The following DSCAM variants were observed in gnomAD, a reference collection of about 807,000 sequenced individuals.
The protein encoded by DSCAM is DS cell adhesion molecule.
Under a neutral mutation model 217.7 loss-of-function variants are expected in DSCAM, and 47 were observed. The observed-to-expected ratio is 0.22, with a 90% CI of 0.17 to 0.28. The LOEUF (loss-of-function observed/expected upper bound fraction) is 0.28, where lower values mean the gene tolerates loss of function less well. Among genes scored for constraint, DSCAM ranks in the 10% least tolerant of loss-of-function variants. DSCAM has a pLI of 1.00. For synonymous variants in DSCAM, 1,056 were observed against 1,015.3 expected (o/e 1.04, Z -0.76); for missense variants, 2,080 against 2,618.3 (o/e 0.79, Z 4.49).
chr21:40,800,116 C>T (rs2091726546), intron 1 of DSCAM, among the ~76,000 whole-genome samples: 1 of 152,216 alleles, frequency 6.6e-6, no homozygotes, highest in South Asian at 2.1e-4. Context: ...CCATATGATT[C>T]CCTGCACCAC....
At chr21:40,148,704 C>T (rs1351999089) in intron 16 of DSCAM, among the ~76,000 whole-genome samples, 1 of 152,012 alleles carries the variant, frequency 6.6e-6, no homozygotes, top group Non-Finnish European at 1.5e-5. Context: ...CCCCACACAG[C>T]CAAGCCACCA....
intron 3 of DSCAM, among the ~76,000 whole-genome samples, chr21:40,467,244 CTCT>C (rs1023228236): frequency 6.6e-6 from 1 of 152,192 alleles, no homozygotes; most frequent in African/African-American, 2.4e-5. Flanking sequence ...TTGCCTTTGC[CTCT>C]TAATTCCAGC....
At chr21:40,581,240 T>C (rs898419907) in intron 3 of DSCAM, among the ~76,000 whole-genome samples, 4 of 152,164 alleles carry the variant, frequency 2.6e-5, no homozygotes, top group African/African-American at 9.7e-5. Flanking sequence ...GCGGGAAACC[T>C]AGTTTTAGTC....
intron 1 of DSCAM, among the ~76,000 whole-genome samples, chr21:40,772,325 T>C (rs1481689754): frequency 6.6e-6 from 1 of 152,142 alleles, no homozygotes; most frequent in Non-Finnish European, 1.5e-5. Context: ...CCCGTCACCG[T>C]GCCTGGCTAA....
At chr21:40,691,354 T>C (rs535627237) in intron 3 of DSCAM, among the ~76,000 whole-genome samples, 227 of 152,330 alleles carry the variant, frequency 1.5e-3, no homozygotes, top group Middle Eastern at 6.8e-3. Flanking sequence ...GAAGTCTCTA[T>C]CCTAGGTCAC....
rs1463388612 is a variant in DSCAM, at chr21:40,645,459, T to G, written c.508+47351A>C. On this transcript the variant is annotated intron_variant, in intron 3 of 32. Transcript: ENST00000400454. ...TGTTAATTGAATTAGGGTAAAATAG[T>G]GAAAATTGGAACTGATCCATATTTG... 2.0e-5 allele frequency among the ~76,000 whole-genome samples: 3 copies of G among 152,176 alleles called. No homozygotes were observed. The South Asian group carries it at 6.2e-4, about 31-fold the overall frequency.
At position 40,319,982 on chromosome 21, in the gene DSCAM, A is replaced by T. The variant is rs112607140; in HGVS notation, c.1784-7623T>A. The stretch of plus-strand genomic sequence containing the variant: ...CCAAACACTGCATGTTCTCACTTAT[A>T]AGCGGGAGTTGAACAATGAGAACTC... On this transcript the variant is annotated intron_variant, in intron 8 of 32. Transcript: ENST00000400454. Among the ~76,000 whole-genome samples, 1,021 of 152,290 alleles carry T rather than the reference A, an allele frequency of 6.7e-3. 17 individuals carry two copies. Among genetic ancestry groups the T allele is most frequent in the African/African-American group, 0.023 (966 of 41,538 alleles).
At chr21:40,748,803 T>C (rs1202438715) in intron 1 of DSCAM, among the ~76,000 whole-genome samples, 2 of 152,106 alleles carry the variant, frequency 1.3e-5, no homozygotes, top group African/African-American at 4.8e-5. Context: ...AGAACAAAGC[T>C]TCAGGCATCA....
rs768235267 is a variant in DSCAM, at chr21:40,620,236, AAG to A, written c.508+72572_508+72573del. ...GAGAGAGAAAAAAGAAAAAGAAAGA[AAG>A]AGAGAGAAAGAGAGAGAAAAAAGAA... On this transcript the variant is annotated intron_variant, in intron 3 of 32. Coordinates refer to ENST00000400454, the MANE Select transcript of DSCAM (RefSeq NM_001389.5). 8.1e-3 allele frequency among the ~76,000 whole-genome samples: 718 copies of A among 88,260 alleles called. 36 individuals are homozygous for A. The highest frequency in any genetic ancestry group is 0.016 in the Middle Eastern group (3 of 184). The allele number at this position is 88,260 out of a possible 152,430, so 57.9% of individuals were successfully genotyped here.
intron 16 of DSCAM, among the ~76,000 whole-genome samples, chr21:40,166,334 G>A (rs891523421): frequency 1.3e-5 from 2 of 152,216 alleles, no homozygotes; most frequent in African/African-American, 4.8e-5. Flanking sequence ...GAAATTCAGA[G>A]CGGGGATAGT....
At chr21:40,541,866 A>G (rs1173416299) in intron 3 of DSCAM, among the ~76,000 whole-genome samples, 1 of 152,220 alleles carries the variant, frequency 6.6e-6, no homozygotes, top group African/African-American at 2.4e-5. Flanking sequence ...GAATAAATTT[A>G]AATTTCTATT....
chr21:40,106,912 A>G (rs78237907), intron 20 of DSCAM, among the ~76,000 whole-genome samples: 1,488 of 146,290 alleles, frequency 0.01, 26 homozygotes, highest in African/African-American at 0.035. Flanking sequence ...TTTTTTTTTC[A>G]AAAAACTAGC....
intron 3 of DSCAM, among the ~76,000 whole-genome samples, chr21:40,625,419 C>G (rs920634823): frequency 1.3e-5 from 2 of 152,162 alleles, no homozygotes; most frequent in African/African-American, 4.8e-5. Flanking sequence ...GCCCACCATC[C>G]TGTGTCTAGG....
At chr21:40,269,344 A>T (rs2073583782) in intron 11 of DSCAM, among the ~76,000 whole-genome samples, 1 of 152,146 alleles carries the variant, frequency 6.6e-6, no homozygotes, top group Non-Finnish European at 1.5e-5. Flanking sequence ...CATTGTGCAA[A>T]TTCTGGTTGT....
intron 1 of DSCAM, among the ~76,000 whole-genome samples, chr21:40,790,485 T>C (rs1482150488): frequency 1.3e-5 from 2 of 152,248 alleles, no homozygotes; most frequent in Admixed American, 6.5e-5. Context: ...ATAGAACCTA[T>C]ACTAGTTCTG....
chr21:40,702,591 T>A (rs2090669003), intron 2 of DSCAM, among the ~76,000 whole-genome samples: 1 of 152,212 alleles, frequency 6.6e-6, no homozygotes. Context: ...TTCTGCCTTA[T>A]AATTCAGGTT....
chr21:40,030,951 C>T lies in DSCAM; in HGVS notation c.5686+11420G>A, dbSNP rs187498900. Reference sequence around the variant, plus strand: ...CACTACCCTGCAACCATCCTCCTGCCACTGTGTTCAAGAGGCCATCCCCTG... The same window carrying T: ...CACTACCCTGCAACCATCCTCCTGCTACTGTGTTCAAGAGGCCATCCCCTG... On this transcript the variant is annotated intron_variant, in intron 32 of 32. Transcript: ENST00000400454. 1.7e-3 allele frequency among the ~76,000 whole-genome samples: 257 copies of T among 152,226 alleles called. 2 individuals are homozygous for T. Among genetic ancestry groups the T allele is most frequent in the Non-Finnish European group, 3.2e-3 (217 of 68,016 alleles).
At chr21:40,828,832 T>A (rs151320419) in intron 1 of DSCAM, among the ~76,000 whole-genome samples, 1 of 151,974 alleles carries the variant, frequency 6.6e-6, no homozygotes, top group South Asian at 2.1e-4. Flanking sequence ...ATTTTTGTAG[T>A]TTTTTAGTAT....
chr21:40,684,902 T>C (rs1444945270), intron 3 of DSCAM, among the ~76,000 whole-genome samples: 1 of 152,202 alleles, frequency 6.6e-6, no homozygotes, highest in Non-Finnish European at 1.5e-5. Context: ...TAGCTGGCCA[T>C]CTGTTTCCCA....
Sources: gnomAD v4.1 joint callset for allele counts (sites outside exome capture counted in the v4.1 genomes callset) on GRCh38, gnomAD v4.1.1 for gene constraint, MANE v1.5 for transcripts, NCBI Gene and HGNC (gene_info 2026-07-23, HGNC 2026-07-21) for gene names.